The following MOB4 variants were observed in gnomAD, a reference collection of about 807,000 sequenced individuals.
MOB4 encodes the protein MOB family member 4, phocein, also known as MOB-like protein phocein.
In MOB4, 4 loss-of-function variants were observed where a neutral mutation model predicts 32.2. The observed-to-expected ratio is 0.12, with a 90% CI of 0.06 to 0.28. MOB4 has a LOEUF of 0.28. Among genes scored for constraint, MOB4 ranks in the 10% least tolerant of loss-of-function variants. The pLI, the probability that MOB4 is intolerant of heterozygous loss-of-function variation, is 1.00. For missense variants in MOB4, 158 were observed against 271.2 expected, an observed-to-expected ratio of 0.58 and a Z score of 2.93; for synonymous variants, 88 against 88.1, an observed-to-expected ratio of 1.00 and a Z score of 0.01.
intron 1 of MOB4, among the ~76,000 whole-genome samples, chr2:197,522,323 CTTTTTTTTTTTT>C (rs57163165): frequency 1.5e-5 from 1 of 66,438 alleles, no homozygotes; most frequent in East Asian, 4.9e-4. Flanking sequence ...GGGTGATTAC[CTTTTTTTTTTTT>C]TTTTTTTTTT....
At chr2:197,550,242 T>G in intron 6 of MOB4, 33 bp from the exon 7 acceptor site, 1 of 1,574,558 alleles carries the variant, frequency 6.4e-7, no homozygotes, top group Non-Finnish European at 8.6e-7. Flanking sequence ...TCTATCCAGT[T>G]CTAAGAATCT....
chr2:197,548,784 G>A (rs2087042826), intron 6 of MOB4, among the ~76,000 whole-genome samples: 1 of 152,016 alleles, frequency 6.6e-6, no homozygotes, highest in African/African-American at 2.4e-5. Context: ...CAAAGCTCAA[G>A]GCCAGTTCAG....
At chr2:197,524,971 C>T (rs987567083) in intron 2 of MOB4, among the ~76,000 whole-genome samples, 1 of 152,076 alleles carries the variant, frequency 6.6e-6, no homozygotes, top group Non-Finnish European at 1.5e-5. Context: ...CCATGTTGCC[C>T]TGGCTGATGA....
intron 3 of MOB4, among the ~76,000 whole-genome samples, chr2:197,537,945 A>T (rs1168914759): frequency 6.6e-6 from 1 of 151,968 alleles, no homozygotes; most frequent in African/African-American, 2.4e-5. Context: ...ATGCCCAGCT[A>T]ATTTTTGTAT....
intron 1 of MOB4, 37 bp from the exon 2 acceptor site, chr2:197,523,587 T>G: frequency 1.9e-6 from 3 of 1,589,656 alleles, no homozygotes; most frequent in South Asian, 2.3e-5. Context: ...CATAATAGTA[T>G]TTTGTATGTG....
chr2:197,529,198 G>A (rs1249045247), intron 2 of MOB4, among the ~76,000 whole-genome samples: 1 of 151,956 alleles, frequency 6.6e-6, no homozygotes, highest in Non-Finnish European at 1.5e-5. Context: ...AGCTGGTCTT[G>A]AACTCTTGAC....
chr2:197,516,297 C>A, intron 1 of MOB4, 151 bp downstream of exon 1: 1 of 1,440,370 alleles, frequency 6.9e-7, no homozygotes, highest in Non-Finnish European at 9.1e-7. Flanking sequence ...AGCTGCAGCC[C>A]CTCAATTTGG....
intron 3 of MOB4, among the ~76,000 whole-genome samples, chr2:197,536,159 A>G (rs2086794547): frequency 6.6e-6 from 1 of 152,086 alleles, no homozygotes; most frequent in African/African-American, 2.4e-5. Context: ...TTGTCCTCCC[A>G]AAGTATTGAG....
chr2:197,552,130 GTA>G lies in MOB4; in HGVS notation c.*1487_*1488del, dbSNP rs2087108800. ...AGTAGTATACTGAGAGTGTGTGTAT[GTA>G]TAGTGTATGCCTTTCCAAGCTTGCC... On this transcript the variant is annotated 3_prime_UTR_variant, in exon 8 of 8. Coordinates refer to ENST00000323303, the MANE Select transcript of MOB4 (RefSeq NM_015387.5). The G allele has an allele frequency of 6.6e-6, 1 of 152,314 alleles. No individual in the cohort carries two copies. The highest frequency in any genetic ancestry group is 6.5e-5 in the Admixed American group (1 of 15,280). The allele number at this position is 152,314 out of a possible 1,614,324, so 9.4% of individuals were successfully genotyped here. A position where few individuals can be genotyped will look rare whatever the true frequency, so the allele number is the denominator to read the frequency against.
chr2:197,537,720 T>A (rs1045667328), intron 3 of MOB4, among the ~76,000 whole-genome samples: 2 of 152,186 alleles, frequency 1.3e-5, no homozygotes, highest in Non-Finnish European at 2.9e-5. Context: ...AGAGAGCACT[T>A]TAGTGTAGTA....
At chr2:197,519,734 G>A (rs1384386943) in intron 1 of MOB4, among the ~76,000 whole-genome samples, 1 of 152,110 alleles carries the variant, frequency 6.6e-6, no homozygotes, top group Non-Finnish European at 1.5e-5. Flanking sequence ...TAAACCTGCA[G>A]ATATGGAGGG....
chr2:197,516,251 C>T, intron 1 of MOB4, 105 bp downstream of exon 1: 1 of 1,503,438 alleles, frequency 6.7e-7, no homozygotes, highest in Non-Finnish European at 8.9e-7. Flanking sequence ...GGCAGGCGGG[C>T]GGGCTGGGGC....
intron 3 of MOB4, among the ~76,000 whole-genome samples, chr2:197,537,365 C>T (rs2086818435): frequency 6.6e-6 from 1 of 152,146 alleles, no homozygotes; most frequent in South Asian, 2.1e-4. Context: ...AGTATGTGTT[C>T]ATTGGGGCTT....
intron 2 of MOB4, among the ~76,000 whole-genome samples, chr2:197,525,162 G>A (rs2086588237): frequency 1.3e-5 from 2 of 151,956 alleles, no homozygotes; most frequent in African/African-American, 2.4e-5. Flanking sequence ...TGGCTAACAT[G>A]GTGAAACCCC....
chr2:197,519,194 C>T (rs1184550946), intron 1 of MOB4, among the ~76,000 whole-genome samples: 13 of 152,208 alleles, frequency 8.5e-5, no homozygotes. Flanking sequence ...CCACGCTGGG[C>T]TTCATAGTTG....
chr2:197,516,167 T>C, intron 1 of MOB4, 21 bp downstream of exon 1: 15 of 1,591,218 alleles, frequency 9.4e-6, no homozygotes, highest in Non-Finnish European at 1.3e-5. Context: ...TGCACTTTTC[T>C]TGTCGGGCAA....
In MOB4 at chr2:197,533,727, A is replaced by AC. The variant is rs1159499674; in HGVS notation, c.124-1803_124-1802insC. 3 of 312,708 alleles carry AC rather than the reference A, an allele frequency of 9.6e-6. No individual in the cohort carries two copies. The Admixed American group carries it at 1.3e-4, about 13-fold the overall frequency. 19.4% of individuals were successfully genotyped at this position (312,708 alleles called of 1,614,324 possible). A position where few individuals can be genotyped will look rare whatever the true frequency, so the allele number is the denominator to read the frequency against. The stretch of plus-strand genomic sequence containing the variant: ...GCGACAGGAGCAAAACTCCTCAAAA[A>AC]AAAAAAAAAAAAAAAAAAAGTATTT... On this transcript the variant is annotated intron_variant, in intron 2 of 7. Transcript: ENST00000323303.
chr2:197,516,344 T>C, intron 1 of MOB4, 198 bp downstream of exon 1: 4 of 1,423,768 alleles, frequency 2.8e-6, no homozygotes, highest in African/African-American at 1.5e-5. Flanking sequence ...CCTGCGGAGC[T>C]CCGACCCAGG....
chr2:197,515,961 G>C (rs2086401434), upstream of MOB4: 10 of 987,230 alleles, frequency 1.0e-5, no homozygotes, highest in South Asian at 1.6e-4. Context: ...TCCCGGCGCA[G>C]GCTGCAGCTG....
Sources: allele counts gnomAD v4.1 joint callset (sites outside exome capture counted in the v4.1 genomes callset), GRCh38; gene constraint gnomAD v4.1.1; transcripts MANE v1.5; gene names NCBI Gene and HGNC (gene_info 2026-07-23, HGNC 2026-07-21).